BNC2: variants seen among roughly 807,000 people sequenced by gnomAD.
BNC2 encodes zinc finger protein basonuclin-2.
Under a neutral mutation model 76.3 loss-of-function variants are expected in BNC2, and 20 were observed. The ratio of observed to expected loss-of-function variants is 0.26; its 90% CI spans 0.18 to 0.38. The LOEUF is 0.38. Among genes scored for constraint, BNC2 ranks in the 10% least tolerant of loss-of-function variants. BNC2 has a pLI of 1.00. For synonymous variants in BNC2, 582 were observed against 514.8 expected (o/e 1.13, Z -1.77); for missense variants, 1,382 against 1,399.8 (o/e 0.99, Z 0.20).
intron 4 of BNC2, among the ~76,000 whole-genome samples, chr9:16,563,203 A>C (rs1276224716): frequency 6.6e-6 from 1 of 152,218 alleles, no homozygotes; most frequent in African/African-American, 2.4e-5. Flanking sequence ...AGATAAAAGC[A>C]TTTTGTTAAA....
intron 4 of BNC2, among the ~76,000 whole-genome samples, chr9:16,561,042 C>T (rs1436254746): frequency 6.6e-6 from 1 of 152,022 alleles, no homozygotes; most frequent in African/African-American, 2.4e-5. Context: ...AGTTTGTGAC[C>T]AGCCTGGCGA....
chr9:16,798,419 C>A (rs1458601783), intron 1 of BNC2, among the ~76,000 whole-genome samples: 1 of 152,092 alleles, frequency 6.6e-6, no homozygotes, highest in Non-Finnish European at 1.5e-5. Context: ...TTTCACATAT[C>A]CCCACAACTA....
At chr9:16,808,648 C>G (rs780824180) in intron 1 of BNC2, among the ~76,000 whole-genome samples, 1 of 151,824 alleles carries the variant, frequency 6.6e-6, no homozygotes, top group Non-Finnish European at 1.5e-5. Context: ...GTGACCACAA[C>G]TGACCAATGT....
chr9:16,555,823 T>G (rs1299507643), intron 4 of BNC2, among the ~76,000 whole-genome samples: 1 of 141,860 alleles, frequency 7.0e-6, no homozygotes, highest in Non-Finnish European at 1.5e-5. Flanking sequence ...GTAGAAAAAC[T>G]GTTATAAACC....
intron 4 of BNC2, among the ~76,000 whole-genome samples, chr9:16,561,615 T>G (rs1247371628): frequency 1.3e-5 from 2 of 152,256 alleles, no homozygotes; most frequent in Middle Eastern, 6.8e-3. Flanking sequence ...CTTTACAAAA[T>G]AAAGGTAGAT....
intron 3 of BNC2, among the ~76,000 whole-genome samples, chr9:16,645,186 A>C (rs1465008899): frequency 6.6e-6 from 1 of 152,200 alleles, no homozygotes; most frequent in East Asian, 1.9e-4. Flanking sequence ...GAGAAAAAGA[A>C]GATTTGAAAG....
At chr9:16,455,610 G>A (rs1933939824) in intron 5 of BNC2, among the ~76,000 whole-genome samples, 1 of 152,170 alleles carries the variant, frequency 6.6e-6, no homozygotes, top group South Asian at 2.1e-4. Flanking sequence ...GGCCAACATG[G>A]TGAAACCCTG....
At chr9:16,682,190 A>C (rs961066618) in intron 3 of BNC2, among the ~76,000 whole-genome samples, 2 of 151,208 alleles carry the variant, frequency 1.3e-5, no homozygotes, top group African/African-American at 4.9e-5. Flanking sequence ...AAATATAGAG[A>C]ATTTGCTGGC....
intron 4 of BNC2, among the ~76,000 whole-genome samples, chr9:16,553,994 C>G (rs1177624743): frequency 6.6e-6 from 1 of 152,160 alleles, no homozygotes; most frequent in Non-Finnish European, 1.5e-5. Context: ...AAGATGAACA[C>G]ATAAGCCTGA....
chr9:16,597,774 C>T (rs1278084919), intron 3 of BNC2, among the ~76,000 whole-genome samples: 1 of 151,906 alleles, frequency 6.6e-6, no homozygotes, highest in Non-Finnish European at 1.5e-5. Flanking sequence ...AAATCTGCTC[C>T]TATTTGTACA....
chr9:16,654,194 T>C (rs1821866572), intron 3 of BNC2, among the ~76,000 whole-genome samples: 1 of 152,190 alleles, frequency 6.6e-6, no homozygotes, highest in African/African-American at 2.4e-5. Context: ...TTGTATTTTT[T>C]GTCCTCTCTT....
chr9:16,607,364 G>A (rs1284503259), intron 3 of BNC2, among the ~76,000 whole-genome samples: 1 of 152,102 alleles, frequency 6.6e-6, no homozygotes, highest in Non-Finnish European at 1.5e-5. Context: ...AAAAGGGGTG[G>A]TCTTATGAAG....
At chr9:16,850,686 A>AC (rs1352961957) in intron 1 of BNC2, among the ~76,000 whole-genome samples, 3 of 152,132 alleles carry the variant, frequency 2.0e-5, no homozygotes, top group Non-Finnish European at 4.4e-5. Flanking sequence ...CCTGAACAAT[A>AC]CCTCAGGAAG....
At chr9:16,787,684 T>G (rs747864745) in intron 1 of BNC2, among the ~76,000 whole-genome samples, 11 of 152,120 alleles carry the variant, frequency 7.2e-5, no homozygotes, top group African/African-American at 1.2e-4. Context: ...CTTCCTACAG[T>G]GCTTCCCCTC....
intron 4 of BNC2, among the ~76,000 whole-genome samples, chr9:16,554,284 T>C (rs1321511721): frequency 6.6e-6 from 1 of 152,222 alleles, no homozygotes; most frequent in East Asian, 1.9e-4. Flanking sequence ...TTCATATGTA[T>C]TTTTTCAGGG....
intron 1 of BNC2, among the ~76,000 whole-genome samples, chr9:16,789,873 G>A (rs1817451398): frequency 6.6e-6 from 1 of 152,158 alleles, no homozygotes; most frequent in African/African-American, 2.4e-5. Context: ...GGCAGGTTTG[G>A]CCTGTCCACT....
chr9:16,611,150 A>G (rs1820534659), intron 3 of BNC2, among the ~76,000 whole-genome samples: 1 of 152,186 alleles, frequency 6.6e-6, no homozygotes, highest in Admixed American at 6.5e-5. Flanking sequence ...TATGTACAAT[A>G]TGTCTGTGGT....
At chr9:16,606,589 G>A (rs1303043991) in intron 3 of BNC2, among the ~76,000 whole-genome samples, 4 of 151,952 alleles carry the variant, frequency 2.6e-5, no homozygotes, top group Admixed American at 1.3e-4. Context: ...CTGGAGTGAA[G>A]TGGCGCAATC....
At chr9:16,440,858 T>G (rs1363955320) in intron 5 of BNC2, among the ~76,000 whole-genome samples, 1 of 152,206 alleles carries the variant, frequency 6.6e-6, no homozygotes, top group South Asian at 2.1e-4. Flanking sequence ...CTTTGCTAGT[T>G]CCTGAATCAT....
Sources: allele counts gnomAD v4.1 joint callset (sites outside exome capture counted in the v4.1 genomes callset), GRCh38; gene constraint gnomAD v4.1.1; transcripts MANE v1.5; gene names NCBI Gene and HGNC (gene_info 2026-07-23, HGNC 2026-07-21).